Variants in ITGBL1 observed in about 807,000 individuals in gnomAD.
ITGBL1 encodes the protein integrin beta-like protein 1.
A neutral mutation model predicts 68.5 loss-of-function variants in ITGBL1; 51 were observed. The ratio of observed to expected loss-of-function variants is 0.74; its 90% CI spans 0.59 to 0.94. The LOEUF (loss-of-function observed/expected upper bound fraction) is 0.94, where lower values mean the gene tolerates loss of function less well. ITGBL1 is among the 40% of genes least tolerant of loss of function. The probability of loss-of-function intolerance (pLI) is 0.00; values close to 1 mark genes in which losing one functional copy is unlikely to be tolerated. For missense variants in ITGBL1, 649 were observed against 647.4 expected, an observed-to-expected ratio of 1.00 and a Z score of -0.03; for synonymous variants, 209 against 227.3, an observed-to-expected ratio of 0.92 and a Z score of 0.72.
intron 2 of ITGBL1, among the ~76,000 whole-genome samples, chr13:101,524,212 T>C (rs1373488224): frequency 6.6e-6 from 1 of 151,640 alleles, no homozygotes; most frequent in Non-Finnish European, 1.5e-5. Context: ...AAGGGAACAA[T>C]TGCTCCTTTG....
intron 2 of ITGBL1, among the ~76,000 whole-genome samples, chr13:101,517,770 G>A (rs9284189): frequency 0.77 from 116,801 of 152,150 alleles, 45,122 homozygotes; most frequent in African/African-American, 0.86. Flanking sequence ...TCCTTTCCAT[G>A]AGAATGCAAG....
At position 101,575,559 on chromosome 13, in the gene ITGBL1, G is replaced by T. The variant is rs2050345090; in HGVS notation, c.586+13G>T. 5 of 1,608,496 alleles carry T rather than the reference G, an allele frequency of 3.1e-6. No homozygotes were observed. The highest frequency in any genetic ancestry group is 4.2e-6 in the Non-Finnish European group (5 of 1,176,728). The stretch of plus-strand genomic sequence containing the variant: ...GAAATATGTGGAGGTATGTATATTG[G>T]CTCTGTAGAAATTAATAAAAGTACC... On this transcript the variant is annotated intron_variant, in intron 4 of 10. Coordinates refer to ENST00000376180, the MANE Select transcript of ITGBL1 (RefSeq NM_004791.3).
chr13:101,606,613 A>AT (rs1326144167), intron 7 of ITGBL1, among the ~76,000 whole-genome samples: 1 of 151,364 alleles, frequency 6.6e-6, no homozygotes, highest in Non-Finnish European at 1.5e-5. Context: ...GTTTAAAAAA[A>AT]TGTGAGTAAA....
chr13:101,554,986 AT>A (rs2049982096), intron 2 of ITGBL1, among the ~76,000 whole-genome samples: 1 of 152,168 alleles, frequency 6.6e-6, no homozygotes, highest in South Asian at 2.1e-4. Flanking sequence ...ACATCTCTTG[AT>A]TTCACTGAAA....
At chr13:101,665,100 A>G (rs543569149) in intron 7 of ITGBL1, among the ~76,000 whole-genome samples, 1 of 149,830 alleles carries the variant, frequency 6.7e-6, no homozygotes, top group Non-Finnish European at 1.5e-5. Flanking sequence ...CTGTCCACCA[A>G]TTTTTTTTTT....
At chr13:101,488,455 G>C (rs1427338238) in intron 2 of ITGBL1, among the ~76,000 whole-genome samples, 2 of 152,168 alleles carry the variant, frequency 1.3e-5, no homozygotes, top group African/African-American at 2.4e-5. Context: ...AGTAAAACTG[G>C]AGTGATTTCA....
At chr13:101,643,397 T>C (rs1466325652) in intron 7 of ITGBL1, among the ~76,000 whole-genome samples, 95 of 142,934 alleles carry the variant, frequency 6.6e-4, no homozygotes, top group Admixed American at 1.3e-3. Context: ...ATGCTTGTGA[T>C]TTTTGCACAT....
chr13:101,607,638 T>C (rs1202828561), intron 7 of ITGBL1, among the ~76,000 whole-genome samples: 2 of 151,994 alleles, frequency 1.3e-5, no homozygotes, highest in Admixed American at 6.6e-5. Flanking sequence ...TTAAATATTT[T>C]GAAGAAAAAA....
chr13:101,623,360 A>G (rs1222100640), intron 7 of ITGBL1, among the ~76,000 whole-genome samples: 1 of 152,170 alleles, frequency 6.6e-6, no homozygotes, highest in African/African-American at 2.4e-5. Context: ...TAAAAGTCAT[A>G]AAAATGTTTG....
chr13:101,628,057 C>CACCAGCA (rs139357777), intron 7 of ITGBL1, among the ~76,000 whole-genome samples: 12,962 of 152,094 alleles, frequency 0.085, 905 homozygotes, highest in African/African-American at 0.19. Flanking sequence ...TTTGCATTCC[C>CACCAGCA]ACCAGCAATG....
intron 7 of ITGBL1, among the ~76,000 whole-genome samples, chr13:101,690,530 C>T (rs1312787123): frequency 1.3e-5 from 2 of 152,126 alleles, no homozygotes; most frequent in Non-Finnish European, 2.9e-5. Flanking sequence ...AGGAACAGTT[C>T]ACCATATCCA....
chr13:101,605,994 G>GTA (rs1299018100), intron 7 of ITGBL1, among the ~76,000 whole-genome samples: 1 of 143,720 alleles, frequency 7.0e-6, no homozygotes, highest in Non-Finnish European at 1.5e-5. Flanking sequence ...ATATATATGT[G>GTA]TATATATACA....
Position 101,707,003 on chromosome 13 carries a change from A to C in ITGBL1, c.1279+101A>C, listed in dbSNP as rs907667589. 4.8e-6 allele frequency: 6 copies of C among 1,260,570 alleles called. No homozygotes were observed. In the African/African-American group the frequency reaches 8.9e-5, roughly 19 times the overall value. The allele number at this position is 1,260,570 out of a possible 1,614,324, so 78.1% of individuals were successfully genotyped here. A position where few individuals can be genotyped will look rare whatever the true frequency, so the allele number is the denominator to read the frequency against. ...CTTTCCCAGACTGAACTTTGCATGA[A>C]AGCAAACCACTATGTCCTCTGCTGT... On this transcript the variant is annotated intron_variant, in intron 9 of 10. Transcript: ENST00000376180.
At chr13:101,462,519 G>T (rs1031567338) in intron 2 of ITGBL1, among the ~76,000 whole-genome samples, 7 of 152,116 alleles carry the variant, frequency 4.6e-5, no homozygotes, top group Admixed American at 1.3e-4. Context: ...GGATGCAAGG[G>T]CTGAGTCTTT....
intron 7 of ITGBL1, among the ~76,000 whole-genome samples, chr13:101,616,317 G>C (rs1377941767): frequency 6.6e-6 from 1 of 152,100 alleles, no homozygotes; most frequent in South Asian, 2.1e-4. Flanking sequence ...GTATATCCAA[G>C]GTAGGATGGG....
intron 2 of ITGBL1, among the ~76,000 whole-genome samples, chr13:101,465,859 T>C (rs767034819): frequency 6.6e-6 from 1 of 152,242 alleles, no homozygotes; most frequent in Non-Finnish European, 1.5e-5. Context: ...ATTACCATTA[T>C]GGCTATGGAA....
chr13:101,719,566 A>T (rs2034851338), downstream of ITGBL1: 1 of 152,138 alleles, frequency 6.6e-6, no homozygotes, highest in Admixed American at 6.6e-5. Flanking sequence ...TTTAAAAAGC[A>T]ATCTTATATT....
chr13:101,494,004 A>G (rs1193920411), intron 2 of ITGBL1, among the ~76,000 whole-genome samples: 2 of 152,186 alleles, frequency 1.3e-5, no homozygotes, highest in South Asian at 2.1e-4. Context: ...TCCTTTCAAT[A>G]TCATTTATCA....
chr13:101,568,598 TG>T (rs993038499), intron 3 of ITGBL1, among the ~76,000 whole-genome samples: 2 of 152,110 alleles, frequency 1.3e-5, no homozygotes, highest in Admixed American at 1.3e-4. Context: ...TCAAGTGCTT[TG>T]GTGTGTGGCC....
Sources: gnomAD v4.1 joint callset for allele counts (sites outside exome capture counted in the v4.1 genomes callset) on GRCh38, gnomAD v4.1.1 for gene constraint, MANE v1.5 for transcripts, NCBI Gene and HGNC (gene_info 2026-07-23, HGNC 2026-07-21) for gene names.